TMEM135: variants seen among roughly 807,000 people sequenced by gnomAD.
TMEM135 encodes the protein transmembrane protein 135.
In TMEM135, 30 loss-of-function variants were observed where a neutral mutation model predicts 60.3. The observed-to-expected ratio is 0.50, with a 90% CI of 0.37 to 0.68. The LOEUF is 0.68. TMEM135 is among the 30% of genes least tolerant of loss of function. The probability of loss-of-function intolerance (pLI) is 0.00; values close to 1 mark genes in which losing one functional copy is unlikely to be tolerated. For missense variants in TMEM135, 468 were observed against 548.8 expected, an observed-to-expected ratio of 0.85 and a Z score of 1.47; for synonymous variants, 190 against 186.7, an observed-to-expected ratio of 1.02 and a Z score of -0.14.
At chr11:87,184,783 T>A (rs1939609367) in intron 5 of TMEM135, among the ~76,000 whole-genome samples, 1 of 152,168 alleles carries the variant, frequency 6.6e-6, no homozygotes, top group Admixed American at 6.5e-5. Context: ...CATACTCTTA[T>A]AAGTTAACAA....
intron 6 of TMEM135, among the ~76,000 whole-genome samples, chr11:87,244,889 C>G (rs1025258721): frequency 2.7e-5 from 4 of 150,664 alleles, no homozygotes; most frequent in African/African-American, 9.8e-5. Flanking sequence ...TTGCCTTCTG[C>G]TAGCTTTTGA....
chr11:87,091,339 C>T, intron 3 of TMEM135, 23 bp from the exon 4 acceptor site: 1 of 1,605,966 alleles, frequency 6.2e-7, no homozygotes, highest in Non-Finnish European at 8.5e-7. Context: ...AGTTTAATAT[C>T]TTCCTTTTAA....
At chr11:87,157,440 T>C in intron 5 of TMEM135, 34 bp downstream of exon 5, 3 of 1,576,064 alleles carry the variant, frequency 1.9e-6, no homozygotes, top group Non-Finnish European at 2.6e-6. Context: ...TTATTAGTTG[T>C]TAATTTATAG....
intron 4 of TMEM135, among the ~76,000 whole-genome samples, chr11:87,125,872 T>C (rs1003156660): frequency 6.6e-5 from 10 of 152,228 alleles, no homozygotes; most frequent in African/African-American, 2.4e-4. Flanking sequence ...TAAACAATCT[T>C]TACAGATAAT....
At chr11:87,122,794 A>G (rs770546401) in intron 4 of TMEM135, among the ~76,000 whole-genome samples, 20 of 152,120 alleles carry the variant, frequency 1.3e-4, no homozygotes, top group Non-Finnish European at 2.6e-4. Context: ...TCCGGCTATT[A>G]CTTGGTCAGA....
At chr11:87,165,798 A>G (rs1361675812) in intron 5 of TMEM135, among the ~76,000 whole-genome samples, 3 of 150,430 alleles carry the variant, frequency 2.0e-5, no homozygotes, top group Non-Finnish European at 2.9e-5. Context: ...AAATGAATCC[A>G]GGAGCTGTTT....
intron 1 of TMEM135, among the ~76,000 whole-genome samples, chr11:87,064,744 C>A (rs539628932): frequency 6.6e-6 from 1 of 152,074 alleles, no homozygotes; most frequent in Non-Finnish European, 1.5e-5. Context: ...ATTAGCTGGG[C>A]GTGGTGGCCG....
At chr11:87,112,783 T>C (rs1857787692) in intron 4 of TMEM135, among the ~76,000 whole-genome samples, 1 of 151,878 alleles carries the variant, frequency 6.6e-6, no homozygotes, top group Non-Finnish European at 1.5e-5. Flanking sequence ...ATTTGTTAAA[T>C]TATATGGCTG....
chr11:87,133,706 C>G (rs972643390), intron 4 of TMEM135, among the ~76,000 whole-genome samples: 1 of 152,170 alleles, frequency 6.6e-6, no homozygotes, highest in African/African-American at 2.4e-5. Context: ...TTCTCCCTCC[C>G]ACTTTCCCAA....
chr11:87,272,057 T>TA (rs1363233277), intron 6 of TMEM135, among the ~76,000 whole-genome samples: 1 of 142,364 alleles, frequency 7.0e-6, no homozygotes, highest in East Asian at 1.9e-4. Flanking sequence ...TTTTCTTTTT[T>TA]TTTTTTTTTT....
intron 4 of TMEM135, among the ~76,000 whole-genome samples, chr11:87,128,231 A>G (rs1565453304): frequency 6.6e-6 from 1 of 152,156 alleles, no homozygotes; most frequent in African/African-American, 2.4e-5. Flanking sequence ...CCTTTTTCCT[A>G]GTCTTAATTG....
At chr11:87,054,360 G>A (rs1201839857) in intron 1 of TMEM135, among the ~76,000 whole-genome samples, 4 of 152,154 alleles carry the variant, frequency 2.6e-5, no homozygotes, top group Non-Finnish European at 4.4e-5. Context: ...ACTGGAGCCC[G>A]GAGGCAGAGG....
chr11:87,185,690 C>A (rs988427215), intron 5 of TMEM135, among the ~76,000 whole-genome samples: 7 of 152,060 alleles, frequency 4.6e-5, no homozygotes, highest in African/African-American at 9.7e-5. Context: ...AGTTAGAATA[C>A]CTGTGTAAAG....
rs563577954 is a variant in TMEM135 at position 87,094,846 on chromosome 11, T to C, written c.396+3451T>C. On this transcript the variant is annotated intron_variant, in intron 4 of 14. Coordinates refer to ENST00000305494, the MANE Select transcript of TMEM135 (RefSeq NM_022918.4). ...CCCATTTGTGTAGCTTCTTGTAACATAGGATTTTGAAAGATGGTATAATCC... is the reference window on the plus strand; with the variant it reads ...CCCATTTGTGTAGCTTCTTGTAACACAGGATTTTGAAAGATGGTATAATCC... 1.0e-4 allele frequency: 17 copies of C among 166,898 alleles called. No homozygotes were observed. The South Asian group carries it at 2.8e-3, about 28-fold the overall frequency. 10.3% of individuals were successfully genotyped at this position (166,898 alleles called of 1,614,324 possible).
intron 14 of TMEM135, among the ~76,000 whole-genome samples, chr11:87,319,726 A>G (rs944874927): frequency 1.3e-5 from 2 of 152,122 alleles, no homozygotes; most frequent in Admixed American, 6.5e-5. Context: ...ACTGATTTCC[A>G]TTTTGGAAAT....
chr11:87,259,044 G>T, intron 6 of TMEM135: 1 of 1,445,290 alleles, frequency 6.9e-7, no homozygotes, highest in Non-Finnish European at 9.7e-7. Flanking sequence ...TGGGAAACCT[G>T]TACATTTTGT....
In TMEM135 at chr11:87,328,558, T is replaced by C. The variant is rs1437416197; in HGVS notation, c.*7225T>C. ...CACTCTGTATACCCTTGTGTATCCA[T>C]AGCTTAGCTCCCACTTACAGTTGAG... On this transcript the variant is annotated 3_prime_UTR_variant, in exon 15 of 15. Transcript: ENST00000305494. The C allele has an allele frequency of 8.8e-6, 4 of 454,108 alleles. No homozygotes were observed. The highest frequency in any genetic ancestry group is 1.4e-4 in the East Asian group (2 of 14,388). The allele number at this position is 454,108 out of a possible 1,614,324, so 28.1% of individuals were successfully genotyped here.
intron 1 of TMEM135, among the ~76,000 whole-genome samples, chr11:87,065,917 A>G (rs1161753908): frequency 6.6e-6 from 1 of 152,224 alleles, no homozygotes; most frequent in Non-Finnish European, 1.5e-5. Context: ...GGCATATTAT[A>G]GCTTACTGCT....
At chr11:87,267,649 C>T (rs557557015) in intron 6 of TMEM135, among the ~76,000 whole-genome samples, 19 of 152,148 alleles carry the variant, frequency 1.2e-4, no homozygotes, top group South Asian at 2.1e-4. Flanking sequence ...GAATTATATA[C>T]GTGATATACA....
Sources: gnomAD v4.1 joint callset for allele counts (sites outside exome capture counted in the v4.1 genomes callset) on GRCh38, gnomAD v4.1.1 for gene constraint, MANE v1.5 for transcripts, NCBI Gene and HGNC (gene_info 2026-07-23, HGNC 2026-07-21) for gene names.